MYH16: variants seen among roughly 807,000 people sequenced by gnomAD.
MYH16 encodes myosin heavy chain 16.
intron 23 of MYH16, among the ~76,000 whole-genome samples, chr7:99,282,130 C>G (rs1048888112): frequency 3.9e-5 from 6 of 152,182 alleles, no homozygotes; most frequent in African/African-American, 9.7e-5. Context: ...TCAAGTGATT[C>G]TCCTGCCTCA....
intron 11 of MYH16, among the ~76,000 whole-genome samples, chr7:99,258,586 A>G (rs985079856): frequency 5.3e-5 from 8 of 152,324 alleles, no homozygotes; most frequent in Admixed American, 4.6e-4. Context: ...GTGCCAAGTC[A>G]TAAAGAATGG....
exon 30 of MYH16, chr7:99,289,295 C>T (rs917938687): frequency 2.8e-5 from 12 of 426,116 alleles, no homozygotes; most frequent in Admixed American, 1.0e-4. Context: ...AGATGAACGC[C>T]GAGGCCCACG....
chr7:99,239,414 A>T (rs1268720611), intron 1 of MYH16, among the ~76,000 whole-genome samples: 1 of 152,220 alleles, frequency 6.6e-6, no homozygotes, highest in Non-Finnish European at 1.5e-5. Flanking sequence ...ACTGTGTGCC[A>T]TGGCCCCTGG....
chr7:99,288,041 G>A (rs1387284346), exon 29 of MYH16: 1 of 456,796 alleles, frequency 2.2e-6, no homozygotes, highest in East Asian at 6.9e-5. Context: ...TGGAGAGCCT[G>A]CAGAGGGTCA....
At chr7:99,260,203 G>A (rs1388039739) in exon 12 of MYH16, 15 of 1,610,400 alleles carry the variant, frequency 9.3e-6, no homozygotes, top group Non-Finnish European at 1.2e-5. Flanking sequence ...CTTCACCAAC[G>A]AGAAGCTGCA....
intron 10 of MYH16, chr7:99,257,476 T>C (rs980254815): frequency 6.5e-6 from 1 of 153,290 alleles, no homozygotes; most frequent in African/African-American, 2.4e-5. Context: ...AGGGACAAGG[T>C]GGCCAGTGCA....
chr7:99,291,760 A>G (rs1410817613), intron 31 of MYH16, among the ~76,000 whole-genome samples: 2 of 152,140 alleles, frequency 1.3e-5, no homozygotes, highest in African/African-American at 4.8e-5. Flanking sequence ...GGAGTTCGAG[A>G]CCAGTCTGGC....
chr7:99,279,565 A>G (rs1792172132), exon 22 of MYH16: 1 of 456,664 alleles, frequency 2.2e-6, no homozygotes, highest in Non-Finnish European at 4.4e-6. Flanking sequence ...ATGAAGACCA[A>G]GATGGATCTA....
At chr7:99,263,262 G>C (rs1759958623) in intron 13 of MYH16, 1 of 152,712 alleles carries the variant, frequency 6.5e-6, no homozygotes, top group African/African-American at 2.4e-5. Flanking sequence ...GCTGTAGGAG[G>C]GGCTCTAGCT....
chr7:99,272,353 G>A (rs1420712478), intron 19 of MYH16, among the ~76,000 whole-genome samples: 1 of 152,134 alleles, frequency 6.6e-6, no homozygotes, highest in Admixed American at 6.6e-5. Context: ...GGTTCATGCA[G>A]AGCCAGGATT....
rs1463954118 is a variant in MYH16, at chr7:99,298,127, C to T, written n.4740+132C>T. On this transcript the variant is annotated intron_variant and non_coding_transcript_variant, in intron 36 of 41. Transcript: ENST00000439784. The stretch of plus-strand genomic sequence containing the variant: ...AGGTGAACCTTGCTGAACATGTTTC[C>T]TCATCTATGAAATGGAAATAAAGAC... 1.3e-5 allele frequency: 5 copies of T among 374,902 alleles called. No homozygotes were observed. In the East Asian group the frequency reaches 2.2e-4, roughly 16 times the overall value. 23.2% of individuals were successfully genotyped at this position (374,902 alleles called of 1,614,324 possible). A position where few individuals can be genotyped will look rare whatever the true frequency, so the allele number is the denominator to read the frequency against.
intron 19 of MYH16, among the ~76,000 whole-genome samples, chr7:99,271,665 A>G (rs565066029): frequency 6.6e-6 from 1 of 152,344 alleles, no homozygotes; most frequent in South Asian, 2.1e-4. Flanking sequence ...CATTCATATA[A>G]TAAAATCAGG....
intron 23 of MYH16, among the ~76,000 whole-genome samples, chr7:99,282,921 T>C (rs895539103): frequency 5.9e-5 from 9 of 151,846 alleles, no homozygotes; most frequent in African/African-American, 1.9e-4. Flanking sequence ...AGAGTAGAAA[T>C]GGTTGTTTTA....
intron 22 of MYH16, 55 bp from the exon 5 acceptor site, chr7:99,280,821 C>T (rs1792190615): frequency 8.1e-6 from 2 of 247,158 alleles, no homozygotes; most frequent in South Asian, 6.7e-5. Flanking sequence ...TGCACCCAAG[C>T]TGAGGACTCC....
chr7:99,261,173 T>A (rs968614000), intron 12 of MYH16: 1 of 152,196 alleles, frequency 6.6e-6, no homozygotes, highest in African/African-American at 2.4e-5. Flanking sequence ...TTAGGTGGGA[T>A]TAGCATTTGG....
chr7:99,296,627 T>A, intron 33 of MYH16, 74 bp from the exon 15 acceptor site: 1 of 435,198 alleles, frequency 2.3e-6, no homozygotes, highest in Non-Finnish European at 4.7e-6. Flanking sequence ...GGAAGAGAGG[T>A]TGGTGGGGGG....
intron 23 of MYH16, among the ~76,000 whole-genome samples, chr7:99,282,483 AT>A (rs1792213231): frequency 3.3e-5 from 5 of 150,458 alleles, no homozygotes; most frequent in African/African-American, 1.2e-4. Context: ...TTTTATTTTT[AT>A]TTTTTTGAGA....
chr7:99,269,004 T>A (rs1328781759), intron 18 of MYH16, among the ~76,000 whole-genome samples: 1 of 152,204 alleles, frequency 6.6e-6, no homozygotes. Context: ...AAAGGGACAG[T>A]GACTTAACCA....
chr7:99,279,478 C>CT (rs1362351620), intron 21 of MYH16, 32 bp from the exon 4 acceptor site: 1 of 455,324 alleles, frequency 2.2e-6, no homozygotes. Context: ...TGCCTGGACC[C>CT]TGTCCTCGAC....
Sources: gnomAD v4.1 joint callset for allele counts (sites outside exome capture counted in the v4.1 genomes callset) on GRCh38, gnomAD v4.1.1 for gene constraint, MANE v1.5 for transcripts, NCBI Gene and HGNC (gene_info 2026-07-23, HGNC 2026-07-21) for gene names.